The following MGAT4C variants were observed in gnomAD, a reference collection of about 807,000 sequenced individuals.
The protein encoded by MGAT4C is alpha-1,3-mannosyl-glycoprotein 4-beta-N-acetylglucosaminyltransferase C.
In MGAT4C, 19 loss-of-function variants were observed where a neutral mutation model predicts 40.1. That is an observed-to-expected ratio of 0.47 (90% confidence interval 0.33 to 0.70). The LOEUF is 0.70. MGAT4C is among the 30% of genes least tolerant of loss of function. The pLI is 0.02. For missense variants in MGAT4C, 491 were observed against 563.2 expected, an observed-to-expected ratio of 0.87 and a Z score of 1.30; for synonymous variants, 181 against 187.1, an observed-to-expected ratio of 0.97 and a Z score of 0.27.
At chr12:86,751,387 G>A (rs75048796) in intron 1 of MGAT4C, among the ~76,000 whole-genome samples, 4,276 of 152,000 alleles carry the variant, frequency 0.028, 80 homozygotes, top group Admixed American at 0.04. Context: ...CATTAACCAG[G>A]TAAGTGTGCA....
intron 4 of MGAT4C, among the ~76,000 whole-genome samples, chr12:86,295,375 G>A (rs770529338): frequency 1.3e-5 from 2 of 152,242 alleles, no homozygotes; most frequent in South Asian, 2.1e-4. Context: ...AGACCCTCGC[G>A]GTGAGTGTTA....
chr12:86,332,137 A>G (rs1354809650), intron 4 of MGAT4C, among the ~76,000 whole-genome samples: 1 of 152,158 alleles, frequency 6.6e-6, no homozygotes, highest in Non-Finnish European at 1.5e-5. Context: ...AATATAATGA[A>G]CAATTTTAAA....
At chr12:86,588,525 A>G (rs559834916) in intron 2 of MGAT4C, among the ~76,000 whole-genome samples, 1 of 152,130 alleles carries the variant, frequency 6.6e-6, no homozygotes, top group African/African-American at 2.4e-5. Flanking sequence ...ACACCCAGGA[A>G]TTGAACTCAG....
chr12:86,015,659 T>C (rs930392452), intron 2 of MGAT4C: 6 of 152,224 alleles, frequency 3.9e-5, no homozygotes, highest in African/African-American at 1.2e-4. Flanking sequence ...AGCAGCTTCA[T>C]GTAGAGAGTT....
Position 85,966,983 on chromosome 12 carries a change from C to G in MGAT4C, c.*12306G>C, listed in dbSNP as rs1313883290. ...ATGGGTGCAGCACACCAACATGGCACAGGTATACATATGTAACAAACCTGC... is the reference window on the plus strand; with the variant it reads ...ATGGGTGCAGCACACCAACATGGCAGAGGTATACATATGTAACAAACCTGC... On this transcript the variant is annotated 3_prime_UTR_variant, in exon 5 of 5. Transcript: ENST00000611864. 2 of 151,964 alleles carry G rather than the reference C, an allele frequency of 1.3e-5. No individual in the cohort carries two copies. Among genetic ancestry groups the G allele is most frequent in the African/African-American group, 2.4e-5 (1 of 41,354 alleles). 9.4% of individuals were successfully genotyped at this position (151,964 alleles called of 1,614,324 possible). A position where few individuals can be genotyped will look rare whatever the true frequency, so the allele number is the denominator to read the frequency against.
intron 3 of MGAT4C, among the ~76,000 whole-genome samples, chr12:86,376,804 CAG>C (rs1565715938): frequency 6.2e-5 from 6 of 96,680 alleles, no homozygotes; most frequent in African/African-American, 1.3e-4. Flanking sequence ...GAGAGAGAGA[CAG>C]AGAGAGAGAG....
chr12:86,676,067 A>T (rs779643140), intron 2 of MGAT4C, among the ~76,000 whole-genome samples: 2 of 152,138 alleles, frequency 1.3e-5, no homozygotes, highest in African/African-American at 2.4e-5. Context: ...ATAGAGACAT[A>T]TGTAAATTCA....
chr12:86,700,208 G>T (rs1239066954), intron 2 of MGAT4C, among the ~76,000 whole-genome samples: 1 of 149,754 alleles, frequency 6.7e-6, no homozygotes, highest in South Asian at 2.1e-4. Context: ...TAGATAGATA[G>T]ATAGATTAGG....
rs1956376173 is a variant in MGAT4C, at chr12:86,402,160, A to C, written c.-120+32997T>G. On this transcript the variant is annotated intron_variant, in intron 3 of 7. Coordinates refer to the MGAT4C transcript ENST00000548651. ...AATAATACTCTTTTCAGTTGAAAAAATAGGCCGGGCACAGTGGCTCACGCT... is the reference window on the plus strand; with the variant it reads ...AATAATACTCTTTTCAGTTGAAAAACTAGGCCGGGCACAGTGGCTCACGCT... Among the ~76,000 whole-genome samples, 3 of 151,970 alleles carry C rather than the reference A, an allele frequency of 2.0e-5. No homozygotes were observed. The South Asian group carries it at 6.2e-4, about 31-fold the overall frequency.
intron 3 of MGAT4C, among the ~76,000 whole-genome samples, chr12:86,418,342 C>A (rs987153787): frequency 3.3e-5 from 5 of 152,164 alleles, no homozygotes; most frequent in African/African-American, 4.8e-5. Flanking sequence ...GTGGCTCATG[C>A]CTATAATCCC....
intron 1 of MGAT4C, among the ~76,000 whole-genome samples, chr12:86,050,885 G>A (rs995521744): frequency 6.6e-6 from 1 of 151,980 alleles, no homozygotes; most frequent in African/African-American, 2.4e-5. Context: ...CAGCCAGTTA[G>A]TCATATCACA....
chr12:86,264,643 A>T (rs1952741301), intron 4 of MGAT4C, among the ~76,000 whole-genome samples: 2 of 152,162 alleles, frequency 1.3e-5, no homozygotes, highest in African/African-American at 4.8e-5. Context: ...GGGGCCAGGG[A>T]CAGGCAGGGT....
chr12:86,365,444 G>A (rs549475377), intron 3 of MGAT4C, among the ~76,000 whole-genome samples: 23 of 152,258 alleles, frequency 1.5e-4, no homozygotes, highest in Admixed American at 4.6e-4. Flanking sequence ...GGGATTAAGA[G>A]ATTAAAGACA....
chr12:86,046,574 T>A (rs928981781), intron 2 of MGAT4C, among the ~76,000 whole-genome samples: 2 of 152,130 alleles, frequency 1.3e-5, no homozygotes, highest in Admixed American at 1.3e-4. Context: ...ATTACCAGGT[T>A]CAGTGGAATT....
chr12:86,122,043 T>C (rs1442900891), intron 1 of MGAT4C, among the ~76,000 whole-genome samples: 1 of 152,166 alleles, frequency 6.6e-6, no homozygotes, highest in Non-Finnish European at 1.5e-5. Flanking sequence ...TGCTCAGAAA[T>C]AACTAAAAAT....
chr12:86,733,321 T>C (rs932602249), intron 1 of MGAT4C, among the ~76,000 whole-genome samples: 1 of 152,100 alleles, frequency 6.6e-6, no homozygotes, highest in Non-Finnish European at 1.5e-5. Flanking sequence ...AATTCCCTAA[T>C]AACCCAATGA....
At chr12:86,816,975 A>T (rs934109632) in intron 1 of MGAT4C, among the ~76,000 whole-genome samples, 12 of 149,680 alleles carry the variant, frequency 8.0e-5, no homozygotes, top group African/African-American at 2.9e-4. Context: ...TATTGCTTTC[A>T]TTTTTGGTTT....
chr12:86,279,584 A>G (rs1473870979), intron 4 of MGAT4C, among the ~76,000 whole-genome samples: 1 of 150,536 alleles, frequency 6.6e-6, no homozygotes, highest in Non-Finnish European at 1.5e-5. Context: ...CTTTTCGAAA[A>G]CAAGCAACAT....
At chr12:86,221,433 AC>A (rs1487647153) in intron 1 of MGAT4C, among the ~76,000 whole-genome samples, 1 of 152,214 alleles carries the variant, frequency 6.6e-6, no homozygotes, top group Non-Finnish European at 1.5e-5. Flanking sequence ...TGAGGACTAA[AC>A]AAGCTCATTA....
Sources: gnomAD v4.1 joint callset for allele counts (sites outside exome capture counted in the v4.1 genomes callset) on GRCh38, gnomAD v4.1.1 for gene constraint, MANE v1.5 for transcripts, NCBI Gene and HGNC (gene_info 2026-07-23, HGNC 2026-07-21) for gene names.